The following CDH13 variants were observed in gnomAD, a reference collection of about 807,000 sequenced individuals.
CDH13 encodes cadherin-13.
CDH13 carries 24 observed loss-of-function variants against 63.8 expected under a neutral mutation model. That is an observed-to-expected ratio of 0.38 (90% CI 0.27 to 0.53). The LOEUF is 0.53. Among genes scored for constraint, CDH13 ranks in the 20% least tolerant of loss-of-function variants. CDH13 has a pLI of 0.85. For synonymous variants in CDH13, 503 were observed against 355.3 expected, an observed-to-expected ratio of 1.42 and a Z score of -4.67; for missense variants, 1,049 against 903.1, an observed-to-expected ratio of 1.16 and a Z score of -2.07.
intron 3 of CDH13, among the ~76,000 whole-genome samples, chr16:83,073,951 A>G (rs1226080771): frequency 1.3e-5 from 2 of 152,190 alleles, no homozygotes; most frequent in African/African-American, 2.4e-5. Flanking sequence ...GGAATTTAGA[A>G]TATCCATCAT....
chr16:83,041,611 G>A (rs1917335979), intron 3 of CDH13, among the ~76,000 whole-genome samples: 2 of 152,116 alleles, frequency 1.3e-5, no homozygotes, highest in African/African-American at 2.4e-5. Flanking sequence ...GTACCTTGAG[G>A]AAAACCTGGA....
At chr16:83,303,195 A>G (rs2151878279) in intron 5 of CDH13, among the ~76,000 whole-genome samples, 1 of 152,312 alleles carries the variant, frequency 6.6e-6, no homozygotes, top group Non-Finnish European at 1.5e-5. Flanking sequence ...CTTCCCCTTC[A>G]CCTTCCGAAG....
At chr16:82,643,434 T>C in intron 1 of CDH13, among the ~76,000 whole-genome samples, 1 of 152,206 alleles carries the variant, frequency 6.6e-6, no homozygotes, top group East Asian at 1.9e-4. Context: ...CAGAACGATG[T>C]TGAGAAACTT....
At chr16:83,743,685 C>G (rs904095670) in intron 10 of CDH13, among the ~76,000 whole-genome samples, 2 of 147,722 alleles carry the variant, frequency 1.4e-5, no homozygotes, top group Admixed American at 6.8e-5. Flanking sequence ...TGTTGAACCA[C>G]TACCAATCAC....
chr16:82,812,364 G>A (rs2037490624), intron 1 of CDH13, among the ~76,000 whole-genome samples: 1 of 152,098 alleles, frequency 6.6e-6, no homozygotes, highest in African/African-American at 2.4e-5. Context: ...AGAAAAAAAT[G>A]AGCGAGAAGA....
At chr16:83,329,769 C>G (rs554775824) in intron 5 of CDH13, among the ~76,000 whole-genome samples, 5 of 152,150 alleles carry the variant, frequency 3.3e-5, no homozygotes, top group African/African-American at 7.2e-5. Flanking sequence ...AGTGGAATCA[C>G]ACAGTATTTG....
intron 1 of CDH13, among the ~76,000 whole-genome samples, chr16:82,841,025 G>C (rs1425381187): frequency 6.6e-6 from 1 of 152,228 alleles, no homozygotes; most frequent in Non-Finnish European, 1.5e-5. Context: ...GCAAACAGCA[G>C]TGCAACTGTG....
chr16:83,513,545 C>G (rs1052402484), intron 7 of CDH13, among the ~76,000 whole-genome samples: 1 of 152,142 alleles, frequency 6.6e-6, no homozygotes, highest in Non-Finnish European at 1.5e-5. Context: ...CCTCAGGAGA[C>G]TTACAATCAT....
Position 83,248,217 on chromosome 16 carries a change from G to GA in CDH13, c.636+30726dup, listed in dbSNP as rs370576243. Among the ~76,000 whole-genome samples, 642 of 152,164 alleles carry GA rather than the reference G, an allele frequency of 4.2e-3. 7 individuals are homozygous for GA. The highest frequency in any genetic ancestry group is 0.015 in the African/African-American group (611 of 41,494). The stretch of plus-strand genomic sequence containing the variant: ...ACAGGGAGAGCATCAAGGAGGGGAT[G>GA]AAAAAAGAGATCAGGAAGGAAGAGA... On this transcript the variant is annotated intron_variant, in intron 5 of 13. Transcript: ENST00000567109.
rs114860691 is a variant in CDH13 at position 82,962,672 on chromosome 16, G to A, written c.158-69338G>A. 8.1e-3 allele frequency among the ~76,000 whole-genome samples: 1,227 copies of A among 152,238 alleles called. 28 individuals are homozygous for A. Among genetic ancestry groups the A allele is most frequent in the African/African-American group, 0.028 (1,179 of 41,534 alleles). Reference sequence around the variant, plus strand: ...TGGCCAGGGCAGGGAAGTCATGAAGGCCAAGCAACACATCCAGTGATGATT... The same window carrying A: ...TGGCCAGGGCAGGGAAGTCATGAAGACCAAGCAACACATCCAGTGATGATT... On this transcript the variant is annotated intron_variant, in intron 2 of 13. Transcript: ENST00000567109.
chr16:83,189,148 G>A (rs779011011), intron 4 of CDH13, among the ~76,000 whole-genome samples: 25 of 151,518 alleles, frequency 1.6e-4, no homozygotes, highest in Non-Finnish European at 2.9e-4. Context: ...AGGCAAAAGC[G>A]GTCACTTTGT....
chr16:82,679,845 G>A (rs1278424649), intron 1 of CDH13, among the ~76,000 whole-genome samples: 1 of 152,152 alleles, frequency 6.6e-6, no homozygotes, highest in Non-Finnish European at 1.5e-5. Flanking sequence ...TAAAACATTT[G>A]AAACAGATGT....
chr16:83,504,451 A>G (rs369781991), intron 7 of CDH13, among the ~76,000 whole-genome samples: 3 of 152,366 alleles, frequency 2.0e-5, no homozygotes, highest in African/African-American at 7.2e-5. Context: ...GAAGACACTC[A>G]GCCTGTCCAG....
At chr16:83,674,083 C>A (rs1914749679) in intron 9 of CDH13, among the ~76,000 whole-genome samples, 1 of 152,340 alleles carries the variant, frequency 6.6e-6, no homozygotes, top group Non-Finnish European at 1.5e-5. Flanking sequence ...CCAGCTAGGC[C>A]ATGCTCTCTG....
At chr16:83,103,112 C>G (rs1363831984) in intron 3 of CDH13, among the ~76,000 whole-genome samples, 3 of 151,212 alleles carry the variant, frequency 2.0e-5, no homozygotes, top group Non-Finnish European at 4.4e-5. Context: ...GCCACCACGC[C>G]CAGCTAATTT....
intron 2 of CDH13, among the ~76,000 whole-genome samples, chr16:83,031,707 C>T (rs1329876821): frequency 3.9e-5 from 6 of 152,116 alleles, no homozygotes; most frequent in Admixed American, 2.0e-4. Context: ...AGATCACTTC[C>T]CTCAAATGTC....
intron 4 of CDH13, among the ~76,000 whole-genome samples, chr16:83,169,255 C>T (rs1401273971): frequency 6.6e-6 from 1 of 151,906 alleles, no homozygotes; most frequent in Non-Finnish European, 1.5e-5. Context: ...TGGCTCACTG[C>T]AACCTCCACC....
At chr16:83,156,777 G>A (rs971566032) in intron 4 of CDH13, among the ~76,000 whole-genome samples, 9 of 152,162 alleles carry the variant, frequency 5.9e-5, no homozygotes, top group African/African-American at 1.7e-4. Context: ...CCTTTATTCC[G>A]TATTCATTCA....
intron 3 of CDH13, among the ~76,000 whole-genome samples, chr16:83,062,910 GT>G (rs2151526351): frequency 6.6e-6 from 1 of 151,428 alleles, no homozygotes; most frequent in African/African-American, 2.4e-5. Flanking sequence ...GTGATTCTAT[GT>G]GCTGTTTTGT....
Sources: allele counts gnomAD v4.1 joint callset (sites outside exome capture counted in the v4.1 genomes callset), GRCh38; gene constraint gnomAD v4.1.1; transcripts MANE v1.5; gene names NCBI Gene and HGNC (gene_info 2026-07-23, HGNC 2026-07-21).